MSRA: variants seen among roughly 807,000 people sequenced by gnomAD.
MSRA encodes mitochondrial peptide methionine sulfoxide reductase.
Under a neutral mutation model 31.3 loss-of-function variants are expected in MSRA, and 54 were observed. The observed-to-expected ratio is 1.73, with a 90% CI of 1.39 to 2.17. The LOEUF is 2.17. Ranked by LOEUF, MSRA falls within the 30% of genes most tolerant of loss-of-function variation. The pLI, the probability that MSRA is intolerant of heterozygous loss-of-function variation, is 0.00. For synonymous variants in MSRA, 169 were observed against 116.5 expected (o/e 1.45, Z -2.90); for missense variants, 507 against 300.9 (o/e 1.69, Z -5.07).
At chr8:10,235,141 A>G (rs948270714) in intron 2 of MSRA, among the ~76,000 whole-genome samples, 1 of 152,168 alleles carries the variant, frequency 6.6e-6, no homozygotes, top group African/African-American at 2.4e-5. Context: ...AAGCACACAT[A>G]GAATAGTTAC....
intron 5 of MSRA, among the ~76,000 whole-genome samples, chr8:10,421,592 G>C (rs1808814237): frequency 6.6e-6 from 1 of 152,118 alleles, no homozygotes; most frequent in Non-Finnish European, 1.5e-5. Flanking sequence ...GCAGGCTGCA[G>C]TCAGCAGAAT....
At position 10,139,412 on chromosome 8, in the gene MSRA, C is replaced by T. The variant is rs535468891; in HGVS notation, c.143-68421C>T. On this transcript the variant is annotated intron_variant, in intron 1 of 5. Transcript: ENST00000317173. ...TAAATTCGGGGGCGGGGGACAAGTGCAGTTTTGTTACATGGATCTGTTGCG... is the reference window on the plus strand; with the variant it reads ...TAAATTCGGGGGCGGGGGACAAGTGTAGTTTTGTTACATGGATCTGTTGCG... Among the ~76,000 whole-genome samples the T allele has an allele frequency of 2.6e-5, 4 of 152,218 alleles. No homozygotes were observed. In the East Asian group the frequency reaches 5.8e-4, roughly 22 times the overall value.
chr8:10,223,302 G>A (rs1810690084), intron 2 of MSRA, among the ~76,000 whole-genome samples: 1 of 152,184 alleles, frequency 6.6e-6, no homozygotes, highest in Non-Finnish European at 1.5e-5. Flanking sequence ...AAGTTGAGAA[G>A]CACTTCAGAT....
intron 1 of MSRA, among the ~76,000 whole-genome samples, chr8:10,164,202 A>G (rs1328479167): frequency 6.6e-6 from 1 of 152,218 alleles, no homozygotes; most frequent in Admixed American, 6.5e-5. Flanking sequence ...CATTCTCACC[A>G]GTCATGAACG....
intron 1 of MSRA, among the ~76,000 whole-genome samples, chr8:10,165,836 C>A (rs1805076793): frequency 6.6e-6 from 1 of 152,130 alleles, no homozygotes; most frequent in African/African-American, 2.4e-5. Flanking sequence ...ATGTGTCAAA[C>A]ACCATTCTCA....
At chr8:10,332,266 TG>T (rs1266983069) in intron 5 of MSRA, among the ~76,000 whole-genome samples, 5 of 152,226 alleles carry the variant, frequency 3.3e-5, no homozygotes, top group Admixed American at 1.3e-4. Context: ...TTATTTGCAT[TG>T]GAAAACCCTA....
chr8:10,245,311 A>T, intron 3 of MSRA, 88 bp downstream of exon 3: 4 of 1,259,442 alleles, frequency 3.2e-6, no homozygotes, highest in Non-Finnish European at 4.4e-6. Flanking sequence ...TAAAATGGAA[A>T]TATGTTTTTT....
intron 1 of MSRA, among the ~76,000 whole-genome samples, chr8:10,087,197 A>C (rs1389919328): frequency 1.3e-5 from 2 of 152,174 alleles, no homozygotes; most frequent in African/African-American, 4.8e-5. Context: ...GAGCCTTACT[A>C]ATTTCAGCAT....
intron 3 of MSRA, 65 bp from the exon 4 acceptor site, chr8:10,301,469 A>T: frequency 7.8e-7 from 1 of 1,286,956 alleles, no homozygotes; most frequent in Non-Finnish European, 1.1e-6. Context: ...TTTTTTGTGA[A>T]CAAAAAACTT....
At chr8:10,132,591 G>C (rs1372600951) in intron 1 of MSRA, among the ~76,000 whole-genome samples, 2 of 152,184 alleles carry the variant, frequency 1.3e-5, no homozygotes, top group Non-Finnish European at 2.9e-5. Context: ...TTTACAGGTG[G>C]TCACCTTCTT....
chr8:10,235,745 A>G (rs763867835), intron 2 of MSRA, among the ~76,000 whole-genome samples: 1 of 152,178 alleles, frequency 6.6e-6, no homozygotes, highest in African/African-American at 2.4e-5. Context: ...CGGAACAAAT[A>G]ATTTTTTTTC....
At chr8:10,113,362 A>G (rs892510404) in intron 1 of MSRA, among the ~76,000 whole-genome samples, 44 of 126,984 alleles carry the variant, frequency 3.5e-4, no homozygotes, top group African/African-American at 1.3e-3. Flanking sequence ...TGGGAGATCT[A>G]AAAGAAGGGG....
chr8:10,387,254 C>G (rs996428581), intron 5 of MSRA, among the ~76,000 whole-genome samples: 8 of 152,156 alleles, frequency 5.3e-5, no homozygotes, highest in Non-Finnish European at 1.0e-4. Context: ...TTGAACAGTT[C>G]TATAATGTTC....
intron 1 of MSRA, among the ~76,000 whole-genome samples, chr8:10,176,355 G>A (rs1028212377): frequency 2.0e-5 from 3 of 152,186 alleles, no homozygotes; most frequent in Non-Finnish European, 2.9e-5. Flanking sequence ...CAGGCAGGGT[G>A]AGACGAAGAA....
intron 1 of MSRA, among the ~76,000 whole-genome samples, chr8:10,148,674 T>A (rs1276680082): frequency 6.6e-6 from 1 of 151,044 alleles, no homozygotes; most frequent in East Asian, 1.9e-4. Flanking sequence ...AATTTAGTTA[T>A]ATTTAACAAG....
intron 5 of MSRA, among the ~76,000 whole-genome samples, chr8:10,412,679 T>C (rs1482953232): frequency 6.6e-6 from 1 of 152,202 alleles, no homozygotes; most frequent in Admixed American, 6.5e-5. Context: ...ACCTACAGGA[T>C]GCCTTTGTAT....
chr8:10,220,327 A>G (rs1437481396), intron 2 of MSRA, among the ~76,000 whole-genome samples: 1 of 152,164 alleles, frequency 6.6e-6, no homozygotes, highest in Non-Finnish European at 1.5e-5. Flanking sequence ...CCCACCCTAT[A>G]TCCTTCCAGA....
chr8:10,255,134 C>G (rs919971397), intron 3 of MSRA, among the ~76,000 whole-genome samples: 1 of 152,202 alleles, frequency 6.6e-6, no homozygotes, highest in Non-Finnish European at 1.5e-5. Flanking sequence ...CTACCAGGAG[C>G]TTAGTCTGTA....
intron 3 of MSRA, among the ~76,000 whole-genome samples, chr8:10,252,033 A>G (rs918395717): frequency 6.6e-6 from 1 of 152,204 alleles, no homozygotes; most frequent in African/African-American, 2.4e-5. Context: ...GGTAAGATTC[A>G]AGCTGCTTGG....
Sources: allele counts gnomAD v4.1 joint callset (sites outside exome capture counted in the v4.1 genomes callset), GRCh38; gene constraint gnomAD v4.1.1; transcripts MANE v1.5; gene names NCBI Gene and HGNC (gene_info 2026-07-23, HGNC 2026-07-21).